Variants in TRHDE observed in about 807,000 individuals in gnomAD.
TRHDE encodes thyrotropin-releasing hormone-degrading ectoenzyme.
TRHDE carries 72 observed loss-of-function variants against 125.7 expected under a neutral mutation model. The ratio of observed to expected loss-of-function variants is 0.57; its 90% CI spans 0.47 to 0.70. The LOEUF (loss-of-function observed/expected upper bound fraction) is 0.70, where lower values mean the gene tolerates loss of function less well. Among genes scored for constraint, TRHDE ranks in the 30% least tolerant of loss-of-function variants. The probability of loss-of-function intolerance (pLI) is 0.00; values close to 1 mark genes in which losing one functional copy is unlikely to be tolerated. For synonymous variants in TRHDE, 509 were observed against 509.1 expected (o/e 1.00, Z 0.00); for missense variants, 1,110 against 1,327.1 (o/e 0.84, Z 2.54).
At chr12:72,648,604 AAACTATCTGAAAAGT>A (rs1428709517) in intron 15 of TRHDE, among the ~76,000 whole-genome samples, 7 of 152,184 alleles carry the variant, frequency 4.6e-5, no homozygotes, top group Admixed American at 4.6e-4. Flanking sequence ...CACTAACAAT[AAACTATCTGAAAAGT>A]AACTCAGGAA....
chr12:72,128,612 T>A (rs1197263554), intron 2 of TRHDE, among the ~76,000 whole-genome samples: 1 of 152,166 alleles, frequency 6.6e-6, no homozygotes, highest in African/African-American at 2.4e-5. Context: ...TTTTAGGGTT[T>A]AAAACTAAAA....
intron 3 of TRHDE, among the ~76,000 whole-genome samples, chr12:72,432,881 T>C (rs1395766168): frequency 1.3e-5 from 2 of 152,188 alleles, no homozygotes; most frequent in African/African-American, 4.8e-5. Flanking sequence ...GAAAAATCCT[T>C]ATCTTGTTCT....
At chr12:72,552,047 G>A (rs541741918) in intron 7 of TRHDE, among the ~76,000 whole-genome samples, 4 of 152,256 alleles carry the variant, frequency 2.6e-5, no homozygotes, top group Admixed American at 1.3e-4. Context: ...ACAAGAGGTA[G>A]GTGAGGTGAG....
chr12:72,142,521 G>A (rs570329028), intron 2 of TRHDE, among the ~76,000 whole-genome samples: 2 of 152,282 alleles, frequency 1.3e-5, no homozygotes, highest in South Asian at 4.1e-4. Flanking sequence ...ATGAACAGGA[G>A]ACAGGGAAAT....
intron 9 of TRHDE, among the ~76,000 whole-genome samples, chr12:72,566,327 T>TTAAG (rs745463747): frequency 9.3e-5 from 14 of 151,098 alleles, no homozygotes; most frequent in Non-Finnish European, 1.9e-4. Context: ...AATTTTTTTT[T>TTAAG]TAAGTTTTAA....
chr12:72,534,588 TTGA>T (rs1868750390), intron 6 of TRHDE, among the ~76,000 whole-genome samples: 1 of 151,684 alleles, frequency 6.6e-6, no homozygotes, highest in Admixed American at 6.6e-5. Flanking sequence ...AAAGATGATA[TTGA>T]TGATGATGAA....
chr12:72,165,661 A>G (rs920745384), intron 2 of TRHDE, among the ~76,000 whole-genome samples: 5 of 151,618 alleles, frequency 3.3e-5, no homozygotes, highest in Non-Finnish European at 7.4e-5. Context: ...AATAAGTCAC[A>G]CATATTCTGA....
intron 2 of TRHDE, among the ~76,000 whole-genome samples, chr12:72,155,444 T>A (rs1362453357): frequency 6.6e-6 from 1 of 152,210 alleles, no homozygotes; most frequent in Admixed American, 6.5e-5. Context: ...AGGAGCTGTG[T>A]TCCTTTGGAG....
chr12:72,627,831 C>T (rs1311004472), intron 15 of TRHDE, among the ~76,000 whole-genome samples: 1 of 151,056 alleles, frequency 6.6e-6, no homozygotes, highest in Non-Finnish European at 1.5e-5. Context: ...CAGCCCCACA[C>T]CACCACACCT....
At chr12:72,225,698 A>G (rs1878115537) in intron 2 of TRHDE, among the ~76,000 whole-genome samples, 1 of 152,118 alleles carries the variant, frequency 6.6e-6, no homozygotes, top group Non-Finnish European at 1.5e-5. Flanking sequence ...GGGAGGTGGG[A>G]GATCAGTTAT....
intron 2 of TRHDE, chr12:72,255,642 C>G (rs188377693): frequency 6.6e-6 from 1 of 152,132 alleles, no homozygotes; most frequent in Non-Finnish European, 1.5e-5. Context: ...CGGGCTGTTC[C>G]GGGCAGTTCC....
At chr12:72,506,749 G>A (rs1456219472) in intron 6 of TRHDE, among the ~76,000 whole-genome samples, 1 of 152,132 alleles carries the variant, frequency 6.6e-6, no homozygotes, top group Non-Finnish European at 1.5e-5. Context: ...GGCTACCCTT[G>A]ATCCTGCCAT....
intron 3 of TRHDE, among the ~76,000 whole-genome samples, chr12:72,428,036 A>G (rs1382155414): frequency 6.6e-6 from 1 of 152,164 alleles, no homozygotes; most frequent in Non-Finnish European, 1.5e-5. Context: ...GACAACATAG[A>G]ACAAAGAAAA....
At chr12:72,638,644 G>T (rs1332995145) in intron 15 of TRHDE, among the ~76,000 whole-genome samples, 4 of 151,906 alleles carry the variant, frequency 2.6e-5, no homozygotes, top group African/African-American at 9.7e-5. Flanking sequence ...GGCTGGTACC[G>T]GTCGTTCCAT....
intron 2 of TRHDE, among the ~76,000 whole-genome samples, chr12:72,212,357 A>C (rs1592485801): frequency 1.3e-5 from 2 of 152,138 alleles, no homozygotes; most frequent in African/African-American, 2.4e-5. Flanking sequence ...CAAAGGAAAA[A>C]AAAAAGATAA....
chr12:72,448,784 T>A (rs537486824), intron 3 of TRHDE, among the ~76,000 whole-genome samples: 2 of 151,730 alleles, frequency 1.3e-5, no homozygotes, highest in East Asian at 3.9e-4. Context: ...AGACATATTA[T>A]CACTAGTCAT....
chr12:72,526,251 A>G (rs868244651), intron 6 of TRHDE, among the ~76,000 whole-genome samples: 4 of 152,092 alleles, frequency 2.6e-5, no homozygotes, highest in African/African-American at 4.8e-5. Flanking sequence ...GTTTCAGGAT[A>G]CTCGGGAGCA....
chr12:72,415,561 G>A (rs1170838083), intron 3 of TRHDE, among the ~76,000 whole-genome samples: 4 of 150,880 alleles, frequency 2.7e-5, no homozygotes, highest in Non-Finnish European at 5.9e-5. Context: ...CTCAGCCCCT[G>A]GTAATAATCA....
chr12:72,616,010 C>A (rs970690433), intron 12 of TRHDE, among the ~76,000 whole-genome samples: 5 of 152,086 alleles, frequency 3.3e-5, no homozygotes, highest in Non-Finnish European at 5.9e-5. Flanking sequence ...CATGACCACA[C>A]CTAAGTACCA....
Sources: gnomAD v4.1 joint callset for allele counts (sites outside exome capture counted in the v4.1 genomes callset) on GRCh38, gnomAD v4.1.1 for gene constraint, MANE v1.5 for transcripts, NCBI Gene and HGNC (gene_info 2026-07-23, HGNC 2026-07-21) for gene names.